The following ZNF740 variants were observed in gnomAD, a reference collection of about 807,000 sequenced individuals.
ZNF740 encodes zinc finger protein 740, also known as oriLyt TD-element-binding protein 7.
In ZNF740, 14 loss-of-function variants were observed where a neutral mutation model predicts 24.8. The observed-to-expected ratio is 0.56, with a 90% CI of 0.37 to 0.88. The LOEUF (loss-of-function observed/expected upper bound fraction) is 0.88, where lower values mean the gene tolerates loss of function less well. Among genes scored for constraint, ZNF740 ranks in the 40% least tolerant of loss-of-function variants. ZNF740 has a pLI of 0.00. For missense variants in ZNF740, 201 were observed against 247.9 expected (o/e 0.81, Z 1.27); for synonymous variants, 69 against 84.0 (o/e 0.82, Z 0.98).
At position 53,184,922 on chromosome 12, in the gene ZNF740, G is replaced by GTGT; in HGVS notation, c.42_44dup (p.Val15dup). ...CTCCTGGCTTGTGAAGGCCTAGCAG[G>GTGT]TGTGAGTTTGGTTCCCACTGCAGCC... is the stretch of plus-strand genomic sequence containing the variant. On this transcript the variant is annotated inframe_insertion, in exon 3 of 7. Coordinates refer to ENST00000416904, the MANE Select transcript of ZNF740 (RefSeq NM_001004304.4). 1 of 1,613,868 alleles carries GTGT rather than the reference G, an allele frequency of 6.2e-7. No individual in the cohort carries two copies. Among genetic ancestry groups the GTGT allele is most frequent in the African/African-American group, 1.3e-5 (1 of 75,056 alleles).
chr12:53,180,746 G>A lies in ZNF740; in HGVS notation c.-399G>A, dbSNP rs1223973250. ...TGTAAACTTGCCTCGGTCCCGGTGG[G>A]GGCAGCCGCGGCGGTGGGGTTGGCA... On this transcript the variant is annotated 5_prime_UTR_variant, in exon 1 of 7. Transcript: ENST00000416904. 2.4e-6 allele frequency: 3 copies of A among 1,266,296 alleles called. No homozygotes were observed. Among genetic ancestry groups the A allele is most frequent in the Non-Finnish European group, 3.1e-6 (3 of 978,044 alleles). 78.4% of individuals were successfully genotyped at this position (1,266,296 alleles called of 1,614,324 possible). A position where few individuals can be genotyped will look rare whatever the true frequency, so the allele number is the denominator to read the frequency against.
Position 53,193,786 on chromosome 12 carries a change from TCA to T in ZNF740, c.*6201_*6202del. 1.9e-6 allele frequency: 3 copies of T among 1,613,928 alleles called. No individual in the cohort carries two copies. Among genetic ancestry groups the T allele is most frequent in the Non-Finnish European group, 1.7e-6 (2 of 1,179,960 alleles). ...GGGCTGGGTGTCACTGCAATTACAG[TCA>T]CACAGCGTGTGCAACTCCACAATCA... On this transcript the variant is annotated 3_prime_UTR_variant, in exon 7 of 7. Coordinates refer to ENST00000416904, the MANE Select transcript of ZNF740 (RefSeq NM_001004304.4).
In ZNF740 at chr12:53,193,120, C is replaced by T. The variant is rs373892008; in HGVS notation, c.*5530C>T. 2,471 of 1,590,468 alleles carry T rather than the reference C, an allele frequency of 1.6e-3. 44 individuals are homozygous for T. The South Asian group carries it at 0.026, about 17-fold the overall frequency. On this transcript the variant is annotated 3_prime_UTR_variant, in exon 7 of 7. Coordinates refer to ENST00000416904, the MANE Select transcript of ZNF740 (RefSeq NM_001004304.4). ...GGAAGGCCTCTCAGACCCCGCCCTT[C>T]TCCCCAAGGCTCCAGGTACCTCCGC...
In ZNF740 at chr12:53,189,038, A is replaced by G. The variant is rs1184116727; in HGVS notation, c.*1448A>G. On this transcript the variant is annotated 3_prime_UTR_variant, in exon 7 of 7. Coordinates refer to ENST00000416904, the MANE Select transcript of ZNF740 (RefSeq NM_001004304.4). ...GAAAATAGCCTCCTCTTGCCCAAAC[A>G]TGAAGGGTGCTTGAGGTCTCAGCAG... is the stretch of plus-strand genomic sequence containing the variant. 3 of 152,004 alleles carry G rather than the reference A, an allele frequency of 2.0e-5. No individual in the cohort carries two copies. The highest frequency in any genetic ancestry group is 4.8e-5 in the African/African-American group (2 of 41,386). 9.4% of individuals were successfully genotyped at this position (152,004 alleles called of 1,614,324 possible).
chr12:53,187,255 G>T (rs139836612), intron 6 of ZNF740, among the ~76,000 whole-genome samples: 1 of 152,348 alleles, frequency 6.6e-6, no homozygotes, highest in African/African-American at 2.4e-5. Context: ...TTGCAGATGA[G>T]TATGCAGATT....
At position 53,193,893 on chromosome 12, in the gene ZNF740, G is replaced by T; in HGVS notation, c.*6303G>T. On this transcript the variant is annotated 3_prime_UTR_variant, in exon 7 of 7. Coordinates refer to ENST00000416904, the MANE Select transcript of ZNF740 (RefSeq NM_001004304.4). ...AGTGGGTGGCTTGGAGAGAAACCCA[G>T]AAAGTCACCTGAGAAGAGGCAGGAA... The T allele has an allele frequency of 6.2e-7, 1 of 1,612,606 alleles. No homozygotes were observed. Among genetic ancestry groups the T allele is most frequent in the Non-Finnish European group, 8.5e-7 (1 of 1,179,230 alleles).
Position 53,191,214 on chromosome 12 carries a change from C to G in ZNF740, c.*3624C>G. ...CCTGCACATTCGCGCTTGGGCACCT[C>G]TCCCTGCCCTCAGGTGGCAAGAGGA... is the stretch of plus-strand genomic sequence containing the variant. On this transcript the variant is annotated 3_prime_UTR_variant, in exon 7 of 7. Transcript: ENST00000416904. 1 of 322,822 alleles carries G rather than the reference C, an allele frequency of 3.1e-6. No individual in the cohort carries two copies. Among genetic ancestry groups the G allele is most frequent in the Non-Finnish European group, 6.0e-6 (1 of 165,714 alleles). 20.0% of individuals were successfully genotyped at this position (322,822 alleles called of 1,614,324 possible). A position where few individuals can be genotyped will look rare whatever the true frequency, so the allele number is the denominator to read the frequency against.
Position 53,180,821 on chromosome 12 carries a change from G to C in ZNF740, c.-324G>C. 1 of 1,272,022 alleles carries C rather than the reference G, an allele frequency of 7.9e-7. No homozygotes were observed. The highest frequency in any genetic ancestry group is 1.0e-6 in the Non-Finnish European group (1 of 982,174). The allele number at this position is 1,272,022 out of a possible 1,614,324, so 78.8% of individuals were successfully genotyped here. The stretch of plus-strand genomic sequence containing the variant: ...CGCCGCGCGGCCAGGGAGCCAGCGG[G>C]AGGCCGCGCCTGGCAGGTAGGAGCA... On this transcript the variant is annotated 5_prime_UTR_variant, in exon 1 of 7. Transcript: ENST00000416904.
rs1442278869 is a variant in ZNF740 at position 53,188,770 on chromosome 12, G to C, written c.*1180G>C. 1.3e-5 allele frequency: 2 copies of C among 152,118 alleles called. No homozygotes were observed. The highest frequency in any genetic ancestry group is 2.9e-5 in the Non-Finnish European group (2 of 68,072). The allele number at this position is 152,118 out of a possible 1,614,324, so 9.4% of individuals were successfully genotyped here. Reference sequence around the variant, plus strand: ...AACAGAGTGTGGGGGATGGGGGTGGGGGTGCTGCAGAGAAAAGACTAAAGA... The same window carrying C: ...AACAGAGTGTGGGGGATGGGGGTGGCGGTGCTGCAGAGAAAAGACTAAAGA... On this transcript the variant is annotated 3_prime_UTR_variant, in exon 7 of 7. Coordinates refer to ENST00000416904, the MANE Select transcript of ZNF740 (RefSeq NM_001004304.4).
rs1414893812 is a variant in ZNF740, at chr12:53,180,763, G to A, written c.-382G>A. Reference sequence around the variant, plus strand: ...CCCGGTGGGGGCAGCCGCGGCGGTGGGGTTGGCAGGGTGTGCTGGGGCCTG... The same window carrying A: ...CCCGGTGGGGGCAGCCGCGGCGGTGAGGTTGGCAGGGTGTGCTGGGGCCTG... On this transcript the variant is annotated 5_prime_UTR_variant, in exon 1 of 7. Coordinates refer to ENST00000416904, the MANE Select transcript of ZNF740 (RefSeq NM_001004304.4). The A allele has an allele frequency of 2.8e-5, 35 of 1,269,738 alleles. No homozygotes were observed. Among genetic ancestry groups the A allele is most frequent in the Non-Finnish European group, 3.5e-5 (34 of 980,352 alleles). 78.7% of individuals were successfully genotyped at this position (1,269,738 alleles called of 1,614,324 possible).
intron 4 of ZNF740, 90 bp from the exon 5 acceptor site, chr12:53,185,864 T>C: frequency 6.6e-7 from 1 of 1,522,356 alleles, no homozygotes; most frequent in East Asian, 2.3e-5. Context: ...GGTTCCTTTC[T>C]CCAACAGCTG....
intron 6 of ZNF740, among the ~76,000 whole-genome samples, chr12:53,187,047 A>T (rs1013320355): frequency 9.9e-5 from 15 of 152,210 alleles, no homozygotes; most frequent in African/African-American, 3.4e-4. Context: ...CACTTCCTGG[A>T]TGCATTGCTA....
At position 53,189,884 on chromosome 12, in the gene ZNF740, C is replaced by G. The variant is rs539915616; in HGVS notation, c.*2294C>G. 2 of 152,356 alleles carry G rather than the reference C, an allele frequency of 1.3e-5. No homozygotes were observed. The highest frequency in any genetic ancestry group is 4.1e-4 in the South Asian group (2 of 4,830). 9.4% of individuals were successfully genotyped at this position (152,356 alleles called of 1,614,324 possible). A position where few individuals can be genotyped will look rare whatever the true frequency, so the allele number is the denominator to read the frequency against. On this transcript the variant is annotated 3_prime_UTR_variant, in exon 7 of 7. Coordinates refer to ENST00000416904, the MANE Select transcript of ZNF740 (RefSeq NM_001004304.4). Reference sequence around the variant, plus strand: ...GAGAGCCCTCTGTCCCTGCCACTTACAGCTAGTCTCTTTGGGATAGGGGTG... The same window carrying G: ...GAGAGCCCTCTGTCCCTGCCACTTAGAGCTAGTCTCTTTGGGATAGGGGTG...
rs189131167 is a variant in ZNF740, at chr12:53,190,681, T to G, written c.*3091T>G. 1.3e-5 allele frequency: 2 copies of G among 149,094 alleles called. No individual in the cohort carries two copies. The highest frequency in any genetic ancestry group is 6.7e-5 in the Admixed American group (1 of 14,910). 9.2% of individuals were successfully genotyped at this position (149,094 alleles called of 1,614,324 possible). On this transcript the variant is annotated 3_prime_UTR_variant, in exon 7 of 7. Transcript: ENST00000416904. ...TCCTCCTCTCCACCCTGTTTTTTGT[T>G]TTTTTTTTTTTTAAATAATATTTTG...
In ZNF740 at chr12:53,192,954, C is replaced by A. The variant is rs1942016674; in HGVS notation, c.*5364C>A. 6.3e-7 allele frequency: 1 copy of A among 1,578,224 alleles called. No individual in the cohort carries two copies. Among genetic ancestry groups the A allele is most frequent in the Non-Finnish European group, 8.7e-7 (1 of 1,150,010 alleles). On this transcript the variant is annotated 3_prime_UTR_variant, in exon 7 of 7. Coordinates refer to ENST00000416904, the MANE Select transcript of ZNF740 (RefSeq NM_001004304.4). ...GAGGGTGACAACCATACTCCACACA[C>A]ACAGTTGGCCATCATGTGGCACGAC...
chr12:53,193,641 A>G lies in ZNF740; in HGVS notation c.*6051A>G. ...CTGTGGGGGGGATGGAAAGCAGCGG[A>G]GGAATACGGGCCAGGGTTGGTTGGT... On this transcript the variant is annotated 3_prime_UTR_variant, in exon 7 of 7. Transcript: ENST00000416904. 2 of 1,362,456 alleles carry G rather than the reference A, an allele frequency of 1.5e-6. No homozygotes were observed. The highest frequency in any genetic ancestry group is 2.0e-6 in the Non-Finnish European group (2 of 991,760). The allele number at this position is 1,362,456 out of a possible 1,614,324, so 84.4% of individuals were successfully genotyped here.
In ZNF740 at chr12:53,188,866, C is replaced by G. The variant is rs1456050996; in HGVS notation, c.*1276C>G. Reference sequence around the variant, plus strand: ...CTCTGCTCCAATACCACCACCTTGTCCACTCCCAAAAAAGTAATCGGGTGT... The same window carrying G: ...CTCTGCTCCAATACCACCACCTTGTGCACTCCCAAAAAAGTAATCGGGTGT... On this transcript the variant is annotated 3_prime_UTR_variant, in exon 7 of 7. Transcript: ENST00000416904. 6.6e-6 allele frequency: 1 copy of G among 152,108 alleles called. No homozygotes were observed. The highest frequency in any genetic ancestry group is 1.5e-5 in the Non-Finnish European group (1 of 68,018). The allele number at this position is 152,108 out of a possible 1,614,324, so 9.4% of individuals were successfully genotyped here. A position where few individuals can be genotyped will look rare whatever the true frequency, so the allele number is the denominator to read the frequency against.
Position 53,193,660 on chromosome 12 carries a change from G to T in ZNF740, c.*6070G>T. On this transcript the variant is annotated 3_prime_UTR_variant, in exon 7 of 7. Transcript: ENST00000416904. ...CAGCGGAGGAATACGGGCCAGGGTT[G>T]GTTGGTTGTTGGGAGCCAGGTGGTT... 1 of 1,508,314 alleles carries T rather than the reference G, an allele frequency of 6.6e-7. No homozygotes were observed. Among genetic ancestry groups the T allele is most frequent in the Non-Finnish European group, 9.1e-7 (1 of 1,103,470 alleles). The allele number at this position is 1,508,314 out of a possible 1,614,324, so 93.4% of individuals were successfully genotyped here.
Position 53,186,918 on chromosome 12 carries a change from T to C in ZNF740, c.492+409T>C, listed in dbSNP as rs1017249001. 6 of 181,944 alleles carry C rather than the reference T, an allele frequency of 3.3e-5. No individual in the cohort carries two copies. The South Asian group carries it at 5.9e-4, about 18-fold the overall frequency. 11.3% of individuals were successfully genotyped at this position (181,944 alleles called of 1,614,324 possible). A position where few individuals can be genotyped will look rare whatever the true frequency, so the allele number is the denominator to read the frequency against. ...GGATTCAGTCCAACTTCAGAGCTAA[T>C]GCACTTTGGAGGAAGAGATACAATC... On this transcript the variant is annotated intron_variant, in intron 6 of 6. Transcript: ENST00000416904.
Sources: gnomAD v4.1 joint callset for allele counts (sites outside exome capture counted in the v4.1 genomes callset) on GRCh38, gnomAD v4.1.1 for gene constraint, MANE v1.5 for transcripts, NCBI Gene and HGNC (gene_info 2026-07-23, HGNC 2026-07-21) for gene names.